Variants in SPAG16 observed in about 807,000 individuals in gnomAD.
SPAG16 encodes sperm associated antigen 16.
In SPAG16, 86 loss-of-function variants were observed where a neutral mutation model predicts 80.4. The ratio of observed to expected loss-of-function variants is 1.07; its 90% confidence interval spans 0.90 to 1.28. The LOEUF is 1.28. SPAG16 is among the 50% of genes most tolerant of loss of function. SPAG16 has a pLI of 0.00. For missense variants in SPAG16, 870 were observed against 765.3 expected (o/e 1.14, Z -1.61); for synonymous variants, 294 against 265.9 (o/e 1.11, Z -1.03).
intron 9 of SPAG16, among the ~76,000 whole-genome samples, chr2:213,483,925 C>G (rs974824255): frequency 2.0e-5 from 3 of 152,144 alleles, no homozygotes; most frequent in African/African-American, 7.2e-5. Flanking sequence ...AAACATAAAT[C>G]TAACCATTTC....
intron 15 of SPAG16, among the ~76,000 whole-genome samples, chr2:214,376,243 T>C (rs1429231109): frequency 2.0e-5 from 3 of 152,196 alleles, no homozygotes; most frequent in Non-Finnish European, 2.9e-5. Context: ...CTTATTAGTA[T>C]ACCTGTCTCG....
intron 15 of SPAG16, among the ~76,000 whole-genome samples, chr2:214,241,886 G>A (rs566829681): frequency 8.0e-5 from 10 of 125,576 alleles, no homozygotes; most frequent in Non-Finnish European, 1.5e-4. Flanking sequence ...AATGTAAGTT[G>A]TATAAAAAAA....
chr2:214,106,023 G>A (rs2053362859), intron 13 of SPAG16, among the ~76,000 whole-genome samples: 1 of 151,634 alleles, frequency 6.6e-6, no homozygotes, highest in South Asian at 2.1e-4. Flanking sequence ...ATTAAAACTT[G>A]GCATTCAGAA....
chr2:214,201,037 G>A (rs1360253154), intron 15 of SPAG16, among the ~76,000 whole-genome samples: 2 of 152,140 alleles, frequency 1.3e-5, no homozygotes, highest in Non-Finnish European at 2.9e-5. Flanking sequence ...CCAGATACTA[G>A]GAAAAACTTC....
chr2:213,716,154 G>A (rs2066230337), intron 10 of SPAG16, among the ~76,000 whole-genome samples: 1 of 151,860 alleles, frequency 6.6e-6, no homozygotes, highest in Admixed American at 6.6e-5. Flanking sequence ...TTACATTTTT[G>A]GAGATGTTAT....
At chr2:213,536,427 T>G (rs1472267965) in intron 10 of SPAG16, among the ~76,000 whole-genome samples, 21 of 152,150 alleles carry the variant, frequency 1.4e-4, no homozygotes, top group Non-Finnish European at 2.9e-4. Context: ...AGGGTTGAAG[T>G]AGTTTACTGT....
chr2:214,158,590 G>C (rs2056311719), intron 15 of SPAG16, among the ~76,000 whole-genome samples: 1 of 151,994 alleles, frequency 6.6e-6, no homozygotes, highest in African/African-American at 2.4e-5. Context: ...TTAAATCAGA[G>C]CCGAAAAATA....
At chr2:213,783,440 TA>T (rs1373070509) in intron 10 of SPAG16, among the ~76,000 whole-genome samples, 4 of 147,762 alleles carry the variant, frequency 2.7e-5, no homozygotes, top group South Asian at 2.2e-4. Context: ...CTATATCTAT[TA>T]TTTTTTTTAA....
At chr2:214,093,947 T>G (rs911607841) in intron 13 of SPAG16, among the ~76,000 whole-genome samples, 6 of 152,078 alleles carry the variant, frequency 3.9e-5, no homozygotes, top group Non-Finnish European at 7.4e-5. Flanking sequence ...ACTAGGAGCA[T>G]TCCATGTTTC....
intron 9 of SPAG16, among the ~76,000 whole-genome samples, chr2:213,395,227 T>C (rs1271497560): frequency 1.3e-5 from 2 of 152,178 alleles, no homozygotes; most frequent in South Asian, 2.1e-4. Flanking sequence ...ATTTCATTGA[T>C]TTTTGCTTTT....
intron 9 of SPAG16, among the ~76,000 whole-genome samples, chr2:213,385,762 G>T (rs2067395438): frequency 1.4e-5 from 2 of 148,064 alleles, no homozygotes; most frequent in Non-Finnish European, 3.0e-5. Context: ...AGATTTTTAA[G>T]TACGTTGTCT....
intron 12 of SPAG16, among the ~76,000 whole-genome samples, chr2:213,966,800 C>A (rs558785737): frequency 5.3e-5 from 8 of 152,284 alleles, no homozygotes; most frequent in African/African-American, 1.9e-4. Context: ...TCTGACTCTA[C>A]TTTTGCTGAC....
At chr2:214,167,577 A>G (rs1034269984) in intron 15 of SPAG16, among the ~76,000 whole-genome samples, 1 of 152,160 alleles carries the variant, frequency 6.6e-6, no homozygotes, top group African/African-American at 2.4e-5. Flanking sequence ...AAAACACAGT[A>G]ACATTTAGAT....
chr2:213,468,680 GTGTGTGTATA>G (rs1255794723), intron 9 of SPAG16, among the ~76,000 whole-genome samples: 2 of 146,030 alleles, frequency 1.4e-5, no homozygotes, highest in South Asian at 2.1e-4. Flanking sequence ...GTATATATAT[GTGTGTGTATA>G]TGTGTGTATA....
At chr2:213,583,847 A>G (rs2060377025) in intron 10 of SPAG16, among the ~76,000 whole-genome samples, 2 of 152,212 alleles carry the variant, frequency 1.3e-5, no homozygotes, top group South Asian at 4.1e-4. Flanking sequence ...TTTTAAAACA[A>G]TTTGAGATTG....
chr2:213,354,252 T>C (rs868389881), intron 7 of SPAG16, among the ~76,000 whole-genome samples: 5 of 152,322 alleles, frequency 3.3e-5, no homozygotes, highest in Middle Eastern at 3.4e-3. Flanking sequence ...TTCCATGATG[T>C]ATATGTGCCA....
At chr2:214,352,481 AT>A (rs1239889435) in intron 15 of SPAG16, among the ~76,000 whole-genome samples, 3 of 151,282 alleles carry the variant, frequency 2.0e-5, no homozygotes, top group Admixed American at 1.3e-4. Context: ...CAGTCTTGAA[AT>A]TCCATTGTGA....
At chr2:213,650,532 G>A (rs970177323) in intron 10 of SPAG16, among the ~76,000 whole-genome samples, 2 of 152,140 alleles carry the variant, frequency 1.3e-5, no homozygotes, top group Admixed American at 1.3e-4. Context: ...TTGGCGATAG[G>A]GGAATAGGAA....
chr2:213,710,480 A>G (rs1180002839), intron 10 of SPAG16, among the ~76,000 whole-genome samples: 1 of 152,172 alleles, frequency 6.6e-6, no homozygotes, highest in Non-Finnish European at 1.5e-5. Context: ...CATTTCACAA[A>G]CATATAGTTC....
Sources: allele counts gnomAD v4.1 joint callset (sites outside exome capture counted in the v4.1 genomes callset), GRCh38; gene constraint gnomAD v4.1.1; transcripts MANE v1.5; gene names NCBI Gene and HGNC (gene_info 2026-07-23, HGNC 2026-07-21).